The following PSMC4 variants were observed in gnomAD, a reference collection of about 807,000 sequenced individuals.
PSMC4 encodes proteasome 26S subunit, ATPase 4, also known as 26S proteasome regulatory subunit 6B.
In PSMC4, 13 loss-of-function variants were observed where a neutral mutation model predicts 48.4. That is an observed-to-expected ratio of 0.27 (90% confidence interval 0.18 to 0.43). The LOEUF (loss-of-function observed/expected upper bound fraction) is 0.43, where lower values mean the gene tolerates loss of function less well. Ranked by LOEUF, PSMC4 falls within the 20% of genes least tolerant of loss-of-function variation. The pLI, the probability that PSMC4 is intolerant of heterozygous loss-of-function variation, is 1.00. For synonymous variants in PSMC4, 202 were observed against 212.3 expected, an observed-to-expected ratio of 0.95 and a Z score of 0.42; for missense variants, 262 against 555.9, an observed-to-expected ratio of 0.47 and a Z score of 5.32.
intron 6 of PSMC4, among the ~76,000 whole-genome samples, chr19:39,978,263 G>C (rs1227225284): frequency 1.3e-5 from 2 of 152,164 alleles, no homozygotes; most frequent in Non-Finnish European, 2.9e-5. Context: ...GGGAGGACAG[G>C]GAAGGTTGGG....
At chr19:39,971,373 G>C in intron 1 of PSMC4, 135 bp downstream of exon 1, 1 of 1,062,958 alleles carries the variant, frequency 9.4e-7, no homozygotes, top group African/African-American at 1.6e-5. Flanking sequence ...TCGGTGGAGA[G>C]CTTTGTGCCA....
At chr19:39,972,100 T>C in intron 1 of PSMC4, 46 bp from the exon 2 acceptor site, 1 of 1,551,260 alleles carries the variant, frequency 6.4e-7, no homozygotes, top group South Asian at 1.1e-5. Flanking sequence ...GAAGCTTTCA[T>C]GAGAGGACTG....
At position 39,974,217 on chromosome 19, in the gene PSMC4, G is replaced by A. The variant is rs1045110927; in HGVS notation, c.323-77G>A. On this transcript the variant is annotated intron_variant, in intron 3 of 10. Transcript: ENST00000157812. The surrounding 1 kb of genome is among the most constrained non-coding windows in gnomAD (Gnocchi z 5.5). Reference sequence around the variant, plus strand: ...GTCTGAACCAGAGATGTTGGGGTGTGGAGATTAGGAGGGAGGAAGGGGGAA... The same window carrying A: ...GTCTGAACCAGAGATGTTGGGGTGTAGAGATTAGGAGGGAGGAAGGGGGAA... 15 of 1,555,648 alleles carry A rather than the reference G, an allele frequency of 9.6e-6. No homozygotes were observed. Among genetic ancestry groups the A allele is most frequent in the Non-Finnish European group, 1.3e-5 (15 of 1,142,680 alleles).
chr19:39,973,021 C>T (rs1381137604), intron 3 of PSMC4, among the ~76,000 whole-genome samples: 1 of 152,166 alleles, frequency 6.6e-6, no homozygotes, highest in Non-Finnish European at 1.5e-5. Flanking sequence ...GTTGGGATTA[C>T]AGGCCTGAGC....
At chr19:39,979,576 A>ACACAT in intron 6 of PSMC4, 2 of 345,478 alleles carry the variant, frequency 5.8e-6, no homozygotes, top group Admixed American at 4.8e-5. Flanking sequence ...AAAAAAAAAA[A>ACACAT]GTGACACATT....
In PSMC4 at chr19:39,979,815, A is replaced by G; in HGVS notation, c.674-2A>G. ...GCCTAACTGTTGTCATCCTGTCATC[A>G]GCTGCATTCATCCGGGTCGTGGGCT... On this transcript the variant is annotated splice_acceptor_variant, in intron 6 of 10. Coordinates refer to ENST00000157812, the MANE Select transcript of PSMC4 (RefSeq NM_006503.4). LOFTEE classifies it high-confidence loss of function. 1.9e-6 allele frequency: 3 copies of G among 1,612,358 alleles called. No homozygotes were observed. The highest frequency in any genetic ancestry group is 2.5e-6 in the Non-Finnish European group (3 of 1,178,922).
chr19:39,976,106 G>A (rs183794363), intron 6 of PSMC4, among the ~76,000 whole-genome samples: 2,210 of 151,816 alleles, frequency 0.015, 19 homozygotes, highest in Non-Finnish European at 0.024. Context: ...GTGTGGTGGC[G>A]GTCGCCTGTA....
In PSMC4 at chr19:39,980,008, C is replaced by G; in HGVS notation, c.841+24C>G. 6.2e-7 allele frequency: 1 copy of G among 1,613,708 alleles called. No individual in the cohort carries two copies. Among genetic ancestry groups the G allele is most frequent in the East Asian group, 2.2e-5 (1 of 44,864 alleles). On this transcript the variant is annotated intron_variant, in intron 7 of 10. Coordinates refer to ENST00000157812, the MANE Select transcript of PSMC4 (RefSeq NM_006503.4). This position sits in a 1 kb window ranked among gnomAD's most constrained non-coding sequence, Gnocchi z 4.8. ...GGGTAAGTGATGCTGAAACAAGGCC[C>G]GGGGTCTTGGACAGGCTTGTCGCAT...
intron 3 of PSMC4, 135 bp downstream of exon 3, chr19:39,972,690 AATAC>A (rs553679278): frequency 8.5e-6 from 5 of 588,242 alleles, no homozygotes; most frequent in Non-Finnish European, 1.5e-5. Flanking sequence ...GAAAGGTAGA[AATAC>A]ATACATATAT....
At chr19:39,972,084 A>C (rs923603971) in intron 1 of PSMC4, 62 bp from the exon 2 acceptor site, 2 of 1,469,216 alleles carry the variant, frequency 1.4e-6, no homozygotes, top group Admixed American at 1.7e-5. Context: ...ACATTAGTGA[A>C]GTTGGGAAGC....
rs1292739749 is a variant in PSMC4 at position 39,974,941 on chromosome 19, C to G, written c.673+113C>G. On this transcript the variant is annotated intron_variant, in intron 6 of 10. Transcript: ENST00000157812. This position sits in a 1 kb window ranked among gnomAD's most constrained non-coding sequence, Gnocchi z 5.5. ...AGAAACAGACTCTGGGGTCATAGCC[C>G]ACGTGTGCATGTTACTGGCTGTGCT... The G allele has an allele frequency of 1.9e-6, 2 of 1,032,700 alleles. No homozygotes were observed. Among genetic ancestry groups the G allele is most frequent in the Non-Finnish European group, 2.8e-6 (2 of 706,558 alleles). The allele number at this position is 1,032,700 out of a possible 1,614,324, so 64.0% of individuals were successfully genotyped here. A position where few individuals can be genotyped will look rare whatever the true frequency, so the allele number is the denominator to read the frequency against.
rs543898500 is a variant in PSMC4 at position 39,980,548 on chromosome 19, C to G, written c.1087+94C>G. Reference sequence around the variant, plus strand: ...TGCCAGCACCACAGCCCAGACTGTGCAGGTGGGACCAAGGTCCAGGGAGGA... The same window carrying G: ...TGCCAGCACCACAGCCCAGACTGTGGAGGTGGGACCAAGGTCCAGGGAGGA... On this transcript the variant is annotated intron_variant, in intron 9 of 10. Coordinates refer to ENST00000157812, the MANE Select transcript of PSMC4 (RefSeq NM_006503.4). This position sits in a 1 kb window ranked among gnomAD's most constrained non-coding sequence, Gnocchi z 4.8. 1 of 1,584,168 alleles carries G rather than the reference C, an allele frequency of 6.3e-7. No individual in the cohort carries two copies. Among genetic ancestry groups the G allele is most frequent in the East Asian group, 2.2e-5 (1 of 44,702 alleles).
chr19:39,971,190 C>G lies in PSMC4; in HGVS notation c.-13C>G, dbSNP rs1487360383. 1 of 1,613,980 alleles carries G rather than the reference C, an allele frequency of 6.2e-7. No homozygotes were observed. The highest frequency in any genetic ancestry group is 1.1e-5 in the South Asian group (1 of 91,048). ...AGATCATCCCAGGCCACACAGAGGC[C>G]GGCTTGGTCACTATGGAGGAGATAG... On this transcript the variant is annotated 5_prime_UTR_variant, in exon 1 of 11. Transcript: ENST00000157812.
intron 6 of PSMC4, among the ~76,000 whole-genome samples, chr19:39,975,680 A>G (rs1019638639): frequency 3.3e-5 from 5 of 152,188 alleles, no homozygotes; most frequent in Non-Finnish European, 7.3e-5. Context: ...GATGGAAACA[A>G]TCATAGTACC....
At position 39,974,845 on chromosome 19, in the gene PSMC4, C is replaced by G. The variant is rs749963884; in HGVS notation, c.673+17C>G. 6.2e-7 allele frequency: 1 copy of G among 1,601,920 alleles called. No homozygotes were observed. Among genetic ancestry groups the G allele is most frequent in the Non-Finnish European group, 8.5e-7 (1 of 1,169,800 alleles). Reference sequence around the variant, plus strand: ...ACACAACAGGTGAGCCCTTTCGCCCCTGCCCCGAGCTCTCATCTTCTGGCC... The same window carrying G: ...ACACAACAGGTGAGCCCTTTCGCCCGTGCCCCGAGCTCTCATCTTCTGGCC... On this transcript the variant is annotated intron_variant, in intron 6 of 10. Transcript: ENST00000157812. This position sits in a 1 kb window ranked among gnomAD's most constrained non-coding sequence, Gnocchi z 5.5.
At position 39,980,264 on chromosome 19, in the gene PSMC4, C is replaced by T. The variant is rs234342; in HGVS notation, c.919-22C>T. 27,869 of 1,613,482 alleles carry T rather than the reference C, an allele frequency of 0.017. 3,815 individuals are homozygous for T. The African/African-American group carries it at 0.31, about 18-fold the overall frequency. ...GGAGGTAGGAGTGCAGAGATCTGAG[C>T]TGGCCTGCCCCCCAATGTCAGGTAA... On this transcript the variant is annotated intron_variant, in intron 8 of 10. Coordinates refer to ENST00000157812, the MANE Select transcript of PSMC4 (RefSeq NM_006503.4). The surrounding 1 kb of genome is among the most constrained non-coding windows in gnomAD (Gnocchi z 4.8).
At chr19:39,976,846 ATTTTT>A (rs1222145410) in intron 6 of PSMC4, among the ~76,000 whole-genome samples, 1 of 105,776 alleles carries the variant, frequency 9.5e-6, no homozygotes. Flanking sequence ...TTTGTGTGTG[ATTTTT>A]TTTTTTTTTT....
chr19:39,979,567 A>G (rs1395885781), intron 6 of PSMC4: 6 of 329,958 alleles, frequency 1.8e-5, no homozygotes, highest in Admixed American at 4.9e-5. Flanking sequence ...TCTCCAAAAA[A>G]AAAAAAAAAG....
chr19:39,979,528 T>G (rs1971256286), intron 6 of PSMC4: 1 of 236,098 alleles, frequency 4.2e-6, no homozygotes, highest in African/African-American at 2.3e-5. Flanking sequence ...GCTACTGCAC[T>G]CCAGCCTGGG....
Sources: gnomAD v4.1 joint callset for allele counts (sites outside exome capture counted in the v4.1 genomes callset) on GRCh38, gnomAD v4.1.1 for gene constraint, Gnocchi (gnomAD v3.1) non-coding constraint, MANE v1.5 for transcripts, NCBI Gene and HGNC (gene_info 2026-07-23, HGNC 2026-07-21) for gene names.